The following TAF3 variants were observed in gnomAD, a reference collection of about 807,000 sequenced individuals.
TAF3 encodes the protein transcription initiation factor TFIID subunit 3.
Under a neutral mutation model 80.6 loss-of-function variants are expected in TAF3, and 7 were observed. That is an observed-to-expected ratio of 0.09 (90% CI 0.05 to 0.16). The LOEUF (loss-of-function observed/expected upper bound fraction) is 0.16. TAF3 is among the 10% of genes least tolerant of loss of function. TAF3 has a pLI of 1.00. For synonymous variants in TAF3, 444 were observed against 446.1 expected (o/e 1.00, Z 0.06); for missense variants, 921 against 1,140.2 (o/e 0.81, Z 2.77).
At chr10:7,885,780 C>T (rs1270830698) in intron 2 of TAF3, among the ~76,000 whole-genome samples, 4 of 152,190 alleles carry the variant, frequency 2.6e-5, no homozygotes, top group Admixed American at 6.5e-5. Flanking sequence ...CTTAGTTTCA[C>T]CACCATCTTT....
At chr10:7,866,391 C>T (rs532496236) in intron 2 of TAF3, among the ~76,000 whole-genome samples, 18 of 152,298 alleles carry the variant, frequency 1.2e-4, no homozygotes, top group East Asian at 9.7e-4. Context: ...TGGCTGACCA[C>T]GGAATTTCAG....
intron 2 of TAF3, among the ~76,000 whole-genome samples, chr10:7,858,035 G>A (rs1837100055): frequency 6.6e-6 from 1 of 151,636 alleles, no homozygotes; most frequent in South Asian, 2.1e-4. Flanking sequence ...AGCTTACAAA[G>A]AGGTTTGAAC....
chr10:7,855,047 TGAATA>T (rs1325033532), intron 2 of TAF3, among the ~76,000 whole-genome samples: 1 of 152,120 alleles, frequency 6.6e-6, no homozygotes, highest in African/African-American at 2.4e-5. Context: ...TCTAAAAAAA[TGAATA>T]GAATGGGATA....
chr10:7,855,808 G>A (rs979880652), intron 2 of TAF3, among the ~76,000 whole-genome samples: 5 of 152,028 alleles, frequency 3.3e-5, no homozygotes, highest in African/African-American at 4.8e-5. Flanking sequence ...TACACTGGGC[G>A]TGGTGGCTCA....
chr10:8,011,349 G>A (rs564605968), intron 5 of TAF3, among the ~76,000 whole-genome samples: 2 of 152,194 alleles, frequency 1.3e-5, no homozygotes, highest in Non-Finnish European at 2.9e-5. Flanking sequence ...GACCTCCTGG[G>A]CCCCAGTGAT....
chr10:7,994,134 T>C (rs1005787014), intron 4 of TAF3, among the ~76,000 whole-genome samples: 39 of 151,862 alleles, frequency 2.6e-4, no homozygotes, highest in African/African-American at 9.2e-4. Flanking sequence ...CATGTTCATA[T>C]TGTACCATCT....
At chr10:7,837,900 T>C (rs1836868594) in intron 2 of TAF3, among the ~76,000 whole-genome samples, 1 of 152,236 alleles carries the variant, frequency 6.6e-6, no homozygotes, top group South Asian at 2.1e-4. Context: ...ACTGATTTAA[T>C]AGAGGAATGT....
intron 2 of TAF3, among the ~76,000 whole-genome samples, chr10:7,945,421 C>G (rs1446430941): frequency 6.6e-6 from 1 of 152,142 alleles, no homozygotes; most frequent in Non-Finnish European, 1.5e-5. Flanking sequence ...GTTTGACTTA[C>G]CTAATTTATC....
intron 2 of TAF3, among the ~76,000 whole-genome samples, chr10:7,870,034 A>C (rs1837250111): frequency 6.6e-6 from 1 of 152,196 alleles, no homozygotes; most frequent in South Asian, 2.1e-4. Context: ...TCTTTAAAAA[A>C]ATTAGATAAT....
chr10:7,837,378 C>G (rs1271602551), intron 2 of TAF3, among the ~76,000 whole-genome samples: 2 of 149,256 alleles, frequency 1.3e-5, no homozygotes, highest in Non-Finnish European at 3.0e-5. Context: ...TGTGGTGGCT[C>G]ATGCCTGTAA....
intron 2 of TAF3, among the ~76,000 whole-genome samples, chr10:7,900,002 C>T (rs758184981): frequency 8.5e-5 from 13 of 152,148 alleles, no homozygotes; most frequent in Non-Finnish European, 1.5e-4. Context: ...TGTTAGGCGG[C>T]GTCCACTCAT....
At chr10:7,971,749 G>C (rs1449500144) in intron 3 of TAF3, among the ~76,000 whole-genome samples, 1 of 152,080 alleles carries the variant, frequency 6.6e-6, no homozygotes, top group African/African-American at 2.4e-5. Context: ...CGCACTGCTG[G>C]TGTCCTGGAA....
At chr10:7,953,386 A>G (rs555456224) in intron 2 of TAF3, among the ~76,000 whole-genome samples, 93 of 152,270 alleles carry the variant, frequency 6.1e-4, no homozygotes, top group African/African-American at 2.1e-3. Context: ...TGCCCTTTAG[A>G]TCATCCCACA....
At chr10:7,852,193 T>A (rs1837033382) in intron 2 of TAF3, among the ~76,000 whole-genome samples, 1 of 152,160 alleles carries the variant, frequency 6.6e-6, no homozygotes. Context: ...CAAGAGATCC[T>A]CTTGCCTCAG....
At chr10:7,898,119 T>C (rs1485141204) in intron 2 of TAF3, among the ~76,000 whole-genome samples, 1 of 152,232 alleles carries the variant, frequency 6.6e-6, no homozygotes, top group African/African-American at 2.4e-5. Context: ...TCAACTGGTA[T>C]GCTTTCAACT....
chr10:7,934,873 G>A lies in TAF3; in HGVS notation c.410-29047G>A, dbSNP rs372839774. On this transcript the variant is annotated intron_variant, in intron 2 of 6. Coordinates refer to ENST00000344293, the MANE Select transcript of TAF3 (RefSeq NM_031923.4). ...AATATTCATTGAGCCCCTCCCATGC[G>A]GCAGGCATGTTCTAGGTGCTGAAAA... Among the ~76,000 whole-genome samples the A allele has an allele frequency of 6.6e-5, 10 of 152,242 alleles. No individual in the cohort carries two copies. The South Asian group carries it at 1.0e-3, about 16-fold the overall frequency.
chr10:7,828,065 C>T (rs993461136), intron 2 of TAF3, among the ~76,000 whole-genome samples: 3 of 152,198 alleles, frequency 2.0e-5, no homozygotes, highest in East Asian at 1.9e-4. Context: ...AGTGAAGTCA[C>T]GCTATAAGGG....
intron 2 of TAF3, among the ~76,000 whole-genome samples, chr10:7,938,822 C>A (rs980640436): frequency 6.6e-6 from 1 of 152,194 alleles, no homozygotes; most frequent in Non-Finnish European, 1.5e-5. Context: ...AATAACTGAA[C>A]CTCAGGAACA....
At chr10:7,995,908 T>C (rs1831882861) in intron 4 of TAF3, among the ~76,000 whole-genome samples, 1 of 152,210 alleles carries the variant, frequency 6.6e-6, no homozygotes, top group South Asian at 2.1e-4. Context: ...AAACCGATTC[T>C]CATAATTGTC....
Sources: gnomAD v4.1 joint callset for allele counts (sites outside exome capture counted in the v4.1 genomes callset) on GRCh38, gnomAD v4.1.1 for gene constraint, MANE v1.5 for transcripts, NCBI Gene and HGNC (gene_info 2026-07-23, HGNC 2026-07-21) for gene names.